GBX1: variants seen among roughly 807,000 people sequenced by gnomAD.
The protein encoded by GBX1 is gastrulation brain homeobox 1.
Under a neutral mutation model 22.9 loss-of-function variants are expected in GBX1, and 9 were observed. That is an observed-to-expected ratio of 0.39 (90% CI 0.24 to 0.69). The LOEUF is 0.69. Ranked by LOEUF, GBX1 falls within the 30% of genes least tolerant of loss-of-function variation. The probability of loss-of-function intolerance (pLI) is 0.43; values close to 1 mark genes in which losing one functional copy is unlikely to be tolerated. For missense variants in GBX1, 494 were observed against 509.2 expected (o/e 0.97, Z 0.29); for synonymous variants, 203 against 227.3 (o/e 0.89, Z 0.96).
chr7:151,163,309 T>C (rs1303513138), intron 1 of GBX1, among the ~76,000 whole-genome samples: 1 of 151,998 alleles, frequency 6.6e-6, no homozygotes, highest in Non-Finnish European at 1.5e-5. Context: ...AATTCTGTTC[T>C]CTCCTGTCAT....
At chr7:151,151,348 C>T (rs565238843) in intron 1 of GBX1, among the ~76,000 whole-genome samples, 1 of 152,250 alleles carries the variant, frequency 6.6e-6, no homozygotes, top group South Asian at 2.1e-4. Context: ...GCTAATTCGC[C>T]CCTCATAATG....
chr7:151,152,423 AG>A (rs1269901088), intron 1 of GBX1, among the ~76,000 whole-genome samples: 1 of 152,234 alleles, frequency 6.6e-6, no homozygotes, highest in Admixed American at 6.5e-5. Flanking sequence ...AAAAATCTAT[AG>A]GATGCTTAAA....
intron 1 of GBX1, among the ~76,000 whole-genome samples, chr7:151,166,473 A>ACC (rs1584806634): frequency 7.9e-4 from 71 of 89,880 alleles, no homozygotes; most frequent in African/African-American, 1.8e-3. Flanking sequence ...TTTGAGACGC[A>ACC]ACCCCCCCCC....
In GBX1 at chr7:151,149,164, T is replaced by A. The variant is rs373834136; in HGVS notation, c.539-22A>T. 4.4e-5 allele frequency: 69 copies of A among 1,584,710 alleles called. No homozygotes were observed. The African/African-American group carries it at 8.5e-4, about 20-fold the overall frequency. On this transcript the variant is annotated intron_variant, in intron 1 of 1. Coordinates refer to ENST00000297537, the MANE Select transcript of GBX1 (RefSeq NM_001098834.3). ...TCTGCTGTGAGGAGCAAGAAGCCAATGGATGGGGAGGGAGAAGCAAGAAAA... is the reference window on the plus strand; with the variant it reads ...TCTGCTGTGAGGAGCAAGAAGCCAAAGGATGGGGAGGGAGAAGCAAGAAAA...
rs1446258532 is a variant in GBX1, at chr7:151,148,370, C to T, written c.*219G>A. On this transcript the variant is annotated 3_prime_UTR_variant, in exon 2 of 2. Coordinates refer to ENST00000297537, the MANE Select transcript of GBX1 (RefSeq NM_001098834.3). This position sits in a 1 kb window ranked among gnomAD's most constrained non-coding sequence, Gnocchi z 5.1. Reference sequence around the variant, plus strand: ...CCCAGCCCCTTTAACCTTGAAGCCCCTAGTCCTGAAGTTCTCTGGAACAGG... The same window carrying T: ...CCCAGCCCCTTTAACCTTGAAGCCCTTAGTCCTGAAGTTCTCTGGAACAGG... 6.6e-6 allele frequency among the ~76,000 whole-genome samples: 1 copy of T among 152,180 alleles called. No individual in the cohort carries two copies. Among genetic ancestry groups the T allele is most frequent in the Non-Finnish European group, 1.5e-5 (1 of 68,026 alleles).
intron 1 of GBX1, among the ~76,000 whole-genome samples, chr7:151,160,739 T>C (rs1393835790): frequency 6.6e-6 from 1 of 152,212 alleles, no homozygotes; most frequent in African/African-American, 2.4e-5. Context: ...CAATTAGTCC[T>C]AGCACATTAG....
rs750764478 is a variant in GBX1, at chr7:151,167,297, G to A, written c.252C>T (p.Thr84=). The A allele has an allele frequency of 6.5e-6, 10 of 1,529,090 alleles. No individual in the cohort carries two copies. Among genetic ancestry groups the A allele is most frequent in the Non-Finnish European group, 7.9e-6 (9 of 1,141,092 alleles). 94.7% of individuals were successfully genotyped at this position (1,529,090 alleles called of 1,614,324 possible). The stretch of plus-strand genomic sequence containing the variant: ...GACCCAGCCCCGCGCAGAAGGTGTT[G>A]GTAAGGCGGCCGGCGAAAGAGGCTA... ...APLASFAGRL[T]NTFCAGLGQA... The change falls in exon 1 of 2, where the codon ACC becomes ACT. Residue 84 remains threonine, a synonymous_variant. Coordinates refer to ENST00000297537, the MANE Select transcript of GBX1 (RefSeq NM_001098834.3). The surrounding 1 kb of genome is among the most constrained non-coding windows in gnomAD (Gnocchi z 5.9).
At chr7:151,156,713 G>A (rs1045547769) in intron 1 of GBX1, among the ~76,000 whole-genome samples, 10 of 151,916 alleles carry the variant, frequency 6.6e-5, no homozygotes, top group Non-Finnish European at 8.8e-5. Flanking sequence ...GGCTGGGCAC[G>A]GTGGCTCATG....
At chr7:151,166,986 A>T (rs887542324) in intron 1 of GBX1, 25 bp downstream of exon 1, 13 of 1,599,216 alleles carry the variant, frequency 8.1e-6, no homozygotes, top group Non-Finnish European at 1.0e-5. Context: ...GCCTCCCGCC[A>T]GCCCTGGTCG....
intron 1 of GBX1, among the ~76,000 whole-genome samples, chr7:151,163,390 C>T (rs1801208994): frequency 6.6e-6 from 1 of 152,100 alleles, no homozygotes; most frequent in Non-Finnish European, 1.5e-5. Context: ...TTCAAAGCTC[C>T]TTTTCCTCCA....
In GBX1 at chr7:151,151,990, G is replaced by A. The variant is rs573146070; in HGVS notation, c.539-2848C>T. 8.5e-5 allele frequency among the ~76,000 whole-genome samples: 13 copies of A among 152,216 alleles called. No individual in the cohort carries two copies. In the East Asian group the frequency reaches 9.6e-4, roughly 11 times the overall value. The stretch of plus-strand genomic sequence containing the variant: ...CTGATACTCTCTATGTCCTTTCTCC[G>A]ATTTATTTGTTACTTTGGTCCATTT... On this transcript the variant is annotated intron_variant, in intron 1 of 1. Transcript: ENST00000297537.
chr7:151,148,162 T>A lies in GBX1; in HGVS notation c.*427A>T, dbSNP rs1247284770. Among the ~76,000 whole-genome samples the A allele has an allele frequency of 6.6e-6, 1 of 152,138 alleles. No individual in the cohort carries two copies. Among genetic ancestry groups the A allele is most frequent in the African/African-American group, 2.4e-5 (1 of 41,428 alleles). On this transcript the variant is annotated 3_prime_UTR_variant, in exon 2 of 2. Coordinates refer to ENST00000297537, the MANE Select transcript of GBX1 (RefSeq NM_001098834.3). The surrounding 1 kb of genome is among the most constrained non-coding windows in gnomAD (Gnocchi z 5.1). ...ACGTACAGAGACAGATAGCTCCATA[T>A]ATACACATTTACACAAATAAATAAG...
At chr7:151,159,818 G>A (rs1801172397) in intron 1 of GBX1, among the ~76,000 whole-genome samples, 2 of 152,132 alleles carry the variant, frequency 1.3e-5, no homozygotes, top group African/African-American at 2.4e-5. Flanking sequence ...GGTCCCAACT[G>A]ATCCCCAATC....
intron 1 of GBX1, among the ~76,000 whole-genome samples, chr7:151,158,079 A>G (rs1801154854): frequency 6.6e-6 from 1 of 152,194 alleles, no homozygotes; most frequent in South Asian, 2.1e-4. Flanking sequence ...GGTATTTTGC[A>G]GTTACAAGAA....
chr7:151,158,636 A>G (rs1801161296), intron 1 of GBX1, among the ~76,000 whole-genome samples: 2 of 152,168 alleles, frequency 1.3e-5, no homozygotes, highest in Admixed American at 6.6e-5. Context: ...ATTCAGTACA[A>G]TGTTCTTTCC....
intron 1 of GBX1, chr7:151,150,076 A>G (rs1801060728): frequency 2.7e-6 from 1 of 377,130 alleles, no homozygotes. Flanking sequence ...ACAGGGACAA[A>G]TGAAGAGAAG....
At chr7:151,166,063 C>G (rs781048141) in intron 1 of GBX1, among the ~76,000 whole-genome samples, 9 of 152,098 alleles carry the variant, frequency 5.9e-5, no homozygotes, top group Non-Finnish European at 1.0e-4. Context: ...TAGGGCCCAG[C>G]AAATTGTATA....
intron 1 of GBX1, among the ~76,000 whole-genome samples, chr7:151,165,097 C>T (rs1003301798): frequency 3.3e-5 from 5 of 152,166 alleles, no homozygotes; most frequent in African/African-American, 4.8e-5. Flanking sequence ...AGAACCCTCT[C>T]CTTCTTCATG....
chr7:151,160,816 T>C (rs1325997777), intron 1 of GBX1, among the ~76,000 whole-genome samples: 1 of 152,108 alleles, frequency 6.6e-6, no homozygotes, highest in Non-Finnish European at 1.5e-5. Context: ...AAAAAAAATT[T>C]CCCGCCTCTT....
Sources: allele counts gnomAD v4.1 joint callset (sites outside exome capture counted in the v4.1 genomes callset), GRCh38; gene constraint gnomAD v4.1.1; non-coding constraint Gnocchi (gnomAD v3.1); transcripts MANE v1.5; gene names NCBI Gene and HGNC (gene_info 2026-07-23, HGNC 2026-07-21).